Variants in KSR2 observed in about 807,000 individuals in gnomAD.
KSR2 encodes the protein kinase suppressor of ras 2.
In KSR2, 25 loss-of-function variants were observed where a neutral mutation model predicts 107.8. The ratio of observed to expected loss-of-function variants is 0.23; its 90% CI spans 0.17 to 0.32. KSR2 has a LOEUF of 0.32. KSR2 is among the 10% of genes least tolerant of loss of function. The pLI is 1.00. For missense variants in KSR2, 887 were observed against 1,268.9 expected (o/e 0.70, Z 4.57); for synonymous variants, 480 against 507.0 (o/e 0.95, Z 0.71).
intron 14 of KSR2, among the ~76,000 whole-genome samples, chr12:117,500,079 G>C (rs1213095834): frequency 1.3e-5 from 2 of 152,208 alleles, no homozygotes; most frequent in African/African-American, 4.8e-5. Context: ...AGGAAGGGGA[G>C]GCTGGGAAGT....
intron 1 of KSR2, among the ~76,000 whole-genome samples, chr12:117,966,708 C>CT (rs1896808592): frequency 6.8e-6 from 1 of 147,488 alleles, no homozygotes; most frequent in Non-Finnish European, 1.5e-5. Flanking sequence ...CTCTCTCTCT[C>CT]TTCTTTCAAA....
At chr12:117,559,859 G>A (rs552776479) in intron 7 of KSR2, among the ~76,000 whole-genome samples, 21 of 152,128 alleles carry the variant, frequency 1.4e-4, no homozygotes, top group Non-Finnish European at 2.6e-4. Context: ...TGCCCCATTC[G>A]TATCCCCTTG....
chr12:117,513,595 T>C (rs1376472296), intron 14 of KSR2, among the ~76,000 whole-genome samples: 2 of 152,206 alleles, frequency 1.3e-5, no homozygotes, highest in Non-Finnish European at 2.9e-5. Context: ...GCAGGTTTGG[T>C]GGTTTGGACA....
chr12:117,688,262 C>A (rs1190454712), intron 4 of KSR2, among the ~76,000 whole-genome samples: 4 of 152,202 alleles, frequency 2.6e-5, no homozygotes, highest in African/African-American at 9.6e-5. Flanking sequence ...TGCCTGCAAT[C>A]CCAGCTACTT....
chr12:117,468,895 A>C (rs1434406347), intron 19 of KSR2, among the ~76,000 whole-genome samples: 1 of 152,096 alleles, frequency 6.6e-6, no homozygotes. Flanking sequence ...GTTTTTAAGT[A>C]CTGCTCCTGT....
At chr12:117,822,538 T>C (rs1460158458) in intron 3 of KSR2, among the ~76,000 whole-genome samples, 1 of 152,224 alleles carries the variant, frequency 6.6e-6, no homozygotes, top group Non-Finnish European at 1.5e-5. Flanking sequence ...TAGCTCAACC[T>C]AGCCTACCTT....
At chr12:117,592,237 C>T (rs1880367455) in intron 5 of KSR2, among the ~76,000 whole-genome samples, 1 of 151,764 alleles carries the variant, frequency 6.6e-6, no homozygotes, top group African/African-American at 2.4e-5. Flanking sequence ...CCTCAGCCTC[C>T]TTAGTAGCTG....
chr12:117,573,686 C>G (rs1007434774), intron 7 of KSR2, among the ~76,000 whole-genome samples: 3 of 151,960 alleles, frequency 2.0e-5, no homozygotes, highest in Non-Finnish European at 4.4e-5. Flanking sequence ...CATCACCAAA[C>G]TCGGCTAATT....
intron 3 of KSR2, among the ~76,000 whole-genome samples, chr12:117,783,673 G>A (rs562509900): frequency 6.2e-4 from 94 of 152,342 alleles, no homozygotes; most frequent in African/African-American, 2.2e-3. Context: ...CATTATGGCG[G>A]TGGTGAGTTT....
intron 9 of KSR2, among the ~76,000 whole-genome samples, chr12:117,543,381 C>T (rs1224764125): frequency 6.6e-6 from 1 of 152,150 alleles, no homozygotes; most frequent in Non-Finnish European, 1.5e-5. Context: ...AGATATTCAA[C>T]ATCTTTTCGT....
chr12:117,855,357 G>C, intron 3 of KSR2, 71 bp downstream of exon 3: 1 of 1,560,646 alleles, frequency 6.4e-7, no homozygotes, highest in Non-Finnish European at 8.7e-7. Flanking sequence ...TGGCGGGCAC[G>C]GGATGCCGAG....
In KSR2 at chr12:117,547,863, G is replaced by A. The variant is rs146544389; in HGVS notation, c.1518+7306C>T. On this transcript the variant is annotated intron_variant, in intron 9 of 19. Coordinates refer to ENST00000339824, the MANE Select transcript of KSR2 (RefSeq NM_173598.6). Reference sequence around the variant, plus strand: ...TGTAATCCCAGCACTTTGGGAGGCCGTGGCAGGTGGATCACAAGGTCAGGA... The same window carrying A: ...TGTAATCCCAGCACTTTGGGAGGCCATGGCAGGTGGATCACAAGGTCAGGA... Among the ~76,000 whole-genome samples the A allele has an allele frequency of 3.4e-3, 512 of 152,202 alleles. 2 individuals are homozygous for A. The highest frequency in any genetic ancestry group is 0.012 in the African/African-American group (490 of 41,502).
intron 7 of KSR2, among the ~76,000 whole-genome samples, chr12:117,574,126 T>C (rs926680138): frequency 3.9e-5 from 6 of 152,064 alleles, no homozygotes; most frequent in African/African-American, 9.6e-5. Context: ...TTGATAGAAA[T>C]AGACATTCTA....
At chr12:117,541,166 A>G (rs1231565378) in intron 9 of KSR2, among the ~76,000 whole-genome samples, 1 of 147,522 alleles carries the variant, frequency 6.8e-6, no homozygotes, top group African/African-American at 2.6e-5. Context: ...GCAGGTAGGG[A>G]GGAACAGTAG....
intron 10 of KSR2, among the ~76,000 whole-genome samples, chr12:117,535,964 ATG>A (rs916163300): frequency 6.6e-6 from 1 of 152,040 alleles, no homozygotes; most frequent in African/African-American, 2.4e-5. Flanking sequence ...ATACTGAGCC[ATG>A]TCCACATGGC....
At chr12:117,914,957 G>A (rs912794113) in intron 1 of KSR2, among the ~76,000 whole-genome samples, 4 of 152,202 alleles carry the variant, frequency 2.6e-5, no homozygotes, top group African/African-American at 9.6e-5. Context: ...AAGAAGCCAA[G>A]AAAGGACACA....
At chr12:117,920,539 A>G (rs1895309852) in intron 1 of KSR2, among the ~76,000 whole-genome samples, 1 of 152,186 alleles carries the variant, frequency 6.6e-6, no homozygotes, top group Non-Finnish European at 1.5e-5. Flanking sequence ...TTATTTGTTG[A>G]GCATTTACTA....
rs149800600 is a variant in KSR2, at chr12:117,833,671, G to A, written c.472+21757C>T. Among the ~76,000 whole-genome samples the A allele has an allele frequency of 1.2e-3, 175 of 152,112 alleles. 1 individual carries two copies. The highest frequency in any genetic ancestry group is 3.7e-3 in the African/African-American group (155 of 41,478). Reference sequence around the variant, plus strand: ...AGTATGAGCCATTGTGCCTGGCCAGGGGTGCATTTTAAATCCTCTTTTTCC... The same window carrying A: ...AGTATGAGCCATTGTGCCTGGCCAGAGGTGCATTTTAAATCCTCTTTTTCC... On this transcript the variant is annotated intron_variant, in intron 3 of 19. Coordinates refer to ENST00000339824, the MANE Select transcript of KSR2 (RefSeq NM_173598.6).
chr12:117,583,182 T>C (rs1443811789), intron 5 of KSR2, among the ~76,000 whole-genome samples: 2 of 150,800 alleles, frequency 1.3e-5, no homozygotes, highest in Non-Finnish European at 1.5e-5. Flanking sequence ...GACAGATGGA[T>C]AGGTGGGTGG....
Sources: allele counts gnomAD v4.1 joint callset (sites outside exome capture counted in the v4.1 genomes callset), GRCh38; gene constraint gnomAD v4.1.1; transcripts MANE v1.5; gene names NCBI Gene and HGNC (gene_info 2026-07-23, HGNC 2026-07-21).